ECPAS: variants seen among roughly 807,000 people sequenced by gnomAD.
ECPAS encodes the protein proteasome adapter and scaffold protein ECM29.
In ECPAS, 70 loss-of-function variants were observed where a neutral mutation model predicts 255.1. That is an observed-to-expected ratio of 0.27 (90% CI 0.23 to 0.33). The LOEUF is 0.33. Ranked by LOEUF, ECPAS falls within the 10% of genes least tolerant of loss-of-function variation. The pLI, the probability that ECPAS is intolerant of heterozygous loss-of-function variation, is 1.00. For synonymous variants in ECPAS, 784 were observed against 775.0 expected, an observed-to-expected ratio of 1.01 and a Z score of -0.19; for missense variants, 1,817 against 2,206.4, an observed-to-expected ratio of 0.82 and a Z score of 3.54.
intron 1 of ECPAS, among the ~76,000 whole-genome samples, chr9:111,475,679 T>A (rs1437028138): frequency 2.0e-5 from 3 of 150,704 alleles, no homozygotes; most frequent in Admixed American, 6.6e-5. Context: ...GAGGTTGCAA[T>A]GAGCCAAGAT....
chr9:111,458,492 C>T (rs1207931984), intron 2 of ECPAS, among the ~76,000 whole-genome samples: 1 of 152,102 alleles, frequency 6.6e-6, no homozygotes, highest in African/African-American at 2.4e-5. Context: ...ATAACTTACA[C>T]TGAGGAAGTA....
chr9:111,394,308 G>T lies in ECPAS; in HGVS notation c.2777-3C>A. On this transcript the variant is annotated splice_region_variant and splice_polypyrimidine_tract_variant and intron_variant, in intron 25 of 49. Coordinates refer to ENST00000684092, the MANE Select transcript of ECPAS (RefSeq NM_001364929.1). Reference sequence around the variant, plus strand: ...AACCACATCATTCACTTTGGCTCCTGGGGAAAAGCAAAGAAAAATAACAAA... The same window carrying T: ...AACCACATCATTCACTTTGGCTCCTTGGGAAAAGCAAAGAAAAATAACAAA... 6.7e-7 allele frequency: 1 copy of T among 1,484,236 alleles called. No homozygotes were observed. Among genetic ancestry groups the T allele is most frequent in the Middle Eastern group, 2.1e-4 (1 of 4,836 alleles). The allele number at this position is 1,484,236 out of a possible 1,614,324, so 91.9% of individuals were successfully genotyped here. A position where few individuals can be genotyped will look rare whatever the true frequency, so the allele number is the denominator to read the frequency against.
intron 2 of ECPAS, among the ~76,000 whole-genome samples, chr9:111,455,480 T>C (rs1164949761): frequency 6.6e-6 from 1 of 152,090 alleles, no homozygotes; most frequent in Admixed American, 6.5e-5. Flanking sequence ...CGAGACTCTG[T>C]CTCAGAAAAA....
intron 48 of ECPAS, 188 bp downstream of exon 48, chr9:111,366,051 C>T (rs569004982): frequency 3.7e-6 from 2 of 539,644 alleles, no homozygotes; most frequent in African/African-American, 1.9e-5. Flanking sequence ...AAACTAGATG[C>T]TAAAATCCTG....
chr9:111,443,762 T>G (rs991788177), intron 4 of ECPAS, among the ~76,000 whole-genome samples: 8 of 152,108 alleles, frequency 5.3e-5, no homozygotes, highest in Non-Finnish European at 7.4e-5. Context: ...TAGGTAAGAT[T>G]CAATCGATTC....
intron 2 of ECPAS, among the ~76,000 whole-genome samples, chr9:111,471,105 C>A (rs1444406441): frequency 1.3e-5 from 2 of 152,198 alleles, no homozygotes; most frequent in African/African-American, 4.8e-5. Context: ...GAACAATGCT[C>A]ATATGGGTGT....
Position 111,369,742 on chromosome 9 carries a change from T to TG in ECPAS, c.4975-570dup, listed in dbSNP as rs869103373. Among the ~76,000 whole-genome samples, 309 of 151,318 alleles carry TG rather than the reference T, an allele frequency of 2.0e-3. 4 individuals carry two copies. The highest frequency in any genetic ancestry group is 0.01 in the Middle Eastern group (3 of 294). ...AACAGGGAAACCACACCCTTTTTTTTGGGGGGGGGACCAGTGCCCAACTTT... is the reference window on the plus strand; with the variant it reads ...AACAGGGAAACCACACCCTTTTTTTTGGGGGGGGGGACCAGTGCCCAACTTT... On this transcript the variant is annotated intron_variant, in intron 45 of 49. Coordinates refer to ENST00000684092, the MANE Select transcript of ECPAS (RefSeq NM_001364929.1).
chr9:111,477,014 C>T (rs59483897), intron 1 of ECPAS, among the ~76,000 whole-genome samples: 4,860 of 152,140 alleles, frequency 0.032, 162 homozygotes, highest in East Asian at 0.12. Flanking sequence ...GTTGGTCAGG[C>T]TGGTCTCGAA....
At chr9:111,366,357 G>T in intron 47 of ECPAS, 30 bp from the exon 48 acceptor site, 2 of 1,498,704 alleles carry the variant, frequency 1.3e-6, no homozygotes, top group Non-Finnish European at 1.8e-6. Flanking sequence ...AGGTACAAAT[G>T]CCAATTATTA....
At chr9:111,460,657 A>G (rs945010070) in intron 2 of ECPAS, among the ~76,000 whole-genome samples, 16 of 152,228 alleles carry the variant, frequency 1.1e-4, no homozygotes, top group African/African-American at 3.6e-4. Flanking sequence ...GTAATAAACC[A>G]TTAGAAAACA....
At chr9:111,392,282 T>C (rs945433326) in intron 28 of ECPAS, among the ~76,000 whole-genome samples, 5 of 152,122 alleles carry the variant, frequency 3.3e-5, no homozygotes, top group African/African-American at 1.2e-4. Context: ...GCAAATTTTA[T>C]AAAATGAATT....
At chr9:111,474,321 T>A (rs540208480) in intron 1 of ECPAS, among the ~76,000 whole-genome samples, 1 of 152,194 alleles carries the variant, frequency 6.6e-6, no homozygotes, top group African/African-American at 2.4e-5. Context: ...TCAGGTCAGA[T>A]TTAGATTCAT....
chr9:111,446,044 A>G (rs1043508320), intron 3 of ECPAS, among the ~76,000 whole-genome samples: 2 of 152,168 alleles, frequency 1.3e-5, no homozygotes, highest in African/African-American at 4.8e-5. Flanking sequence ...TCCATGGTGT[A>G]TATGTGCCAC....
intron 1 of ECPAS, among the ~76,000 whole-genome samples, chr9:111,483,268 C>G (rs1224090430): frequency 6.6e-6 from 1 of 152,010 alleles, no homozygotes. Context: ...GTGGCTCCGC[C>G]CGGGGCTCCG....
At chr9:111,454,310 T>TGG (rs71501914) in intron 2 of ECPAS, among the ~76,000 whole-genome samples, 1 of 20,070 alleles carries the variant, frequency 5.0e-5, no homozygotes, top group South Asian at 1.5e-3. Context: ...TGGGGGGAGA[T>TGG]GGGGGGGTGG....
In ECPAS at chr9:111,420,083, G is replaced by C; in HGVS notation, c.1493C>G (p.Ala498Gly). 1.2e-6 allele frequency: 2 copies of C among 1,612,406 alleles called. No individual in the cohort carries two copies. The highest frequency in any genetic ancestry group is 2.2e-5 in the South Asian group (2 of 91,028). The change falls in exon 16 of 50, where the codon GCC becomes GGC. Residue 498 changes from alanine (A) to glycine (G), a missense_variant. Physicochemically the swap from Ala to Gly is moderately conservative, Grantham distance 60. This residue lies in a region of ECPAS where 573 missense variants were observed against 716.2 expected (regional missense o/e 0.80). Coordinates refer to ENST00000684092, the MANE Select transcript of ECPAS (RefSeq NM_001364929.1). ...VQVRQVAVKF[A>G]STVFPSDHIP... ...ATGATCTGAGGGAAACACCGTACTG[G>C]CAAATTTCACAGCCACTTGTCGAAC... is the stretch of plus-strand genomic sequence containing the variant.
chr9:111,437,737 C>G (rs2098240211), intron 6 of ECPAS, among the ~76,000 whole-genome samples: 1 of 152,148 alleles, frequency 6.6e-6, no homozygotes, highest in African/African-American at 2.4e-5. Flanking sequence ...GTTCAAAGCC[C>G]TTTGCACTGC....
chr9:111,431,357 A>C (rs948310161), intron 8 of ECPAS, among the ~76,000 whole-genome samples: 1 of 152,162 alleles, frequency 6.6e-6, no homozygotes, highest in Non-Finnish European at 1.5e-5. Context: ...TAGGAGTTCA[A>C]GGCCAGCCTG....
intron 1 of ECPAS, among the ~76,000 whole-genome samples, chr9:111,479,486 G>A (rs1404908023): frequency 5.9e-5 from 9 of 151,842 alleles, no homozygotes; most frequent in African/African-American, 1.2e-4. Flanking sequence ...CCAGCTACTC[G>A]GGAGACTGAG....
Sources: allele counts gnomAD v4.1 joint callset (sites outside exome capture counted in the v4.1 genomes callset), GRCh38; gene constraint gnomAD v4.1.1; regional missense constraint gnomAD v4.1.1; transcripts MANE v1.5; gene names NCBI Gene and HGNC (gene_info 2026-07-23, HGNC 2026-07-21).